The following LDHA variants were observed in gnomAD, a reference collection of about 807,000 sequenced individuals.
LDHA encodes the protein lactate dehydrogenase A.
A neutral mutation model predicts 36.3 loss-of-function variants in LDHA; 10 were observed. That is an observed-to-expected ratio of 0.28 (90% CI 0.17 to 0.47). LDHA has a LOEUF of 0.47. LDHA is among the 20% of genes least tolerant of loss of function. The pLI is 0.99. For synonymous variants in LDHA, 110 were observed against 136.7 expected, an observed-to-expected ratio of 0.80 and a Z score of 1.36; for missense variants, 267 against 405.8, an observed-to-expected ratio of 0.66 and a Z score of 2.94.
chr11:18,407,780 T>C lies in LDHA; in HGVS notation c.*499T>C. On this transcript the variant is annotated 3_prime_UTR_variant, in exon 8 of 8. Transcript: ENST00000422447. ...ACCATATAATGTAAAAAGATCTACA[T>C]ACAAACAATGCAACCAACTATCCAA... is the stretch of plus-strand genomic sequence containing the variant. 2.2e-6 allele frequency: 1 copy of C among 456,756 alleles called. No homozygotes were observed. The highest frequency in any genetic ancestry group is 1.6e-5 in the South Asian group (1 of 64,476). 28.3% of individuals were successfully genotyped at this position (456,756 alleles called of 1,614,324 possible).
At chr11:18,399,907 G>C (rs1033257509) in intron 3 of LDHA, 8 of 214,590 alleles carry the variant, frequency 3.7e-5, no homozygotes, top group Non-Finnish European at 7.7e-5. Flanking sequence ...AGACTTAAAT[G>C]TTTTATCAGG....
Position 18,407,882 on chromosome 11 carries a change from G to A in LDHA, c.*601G>A, listed in dbSNP as rs759661874. 1 of 454,070 alleles carries A rather than the reference G, an allele frequency of 2.2e-6. No individual in the cohort carries two copies. Among genetic ancestry groups the A allele is most frequent in the Non-Finnish European group, 4.4e-6 (1 of 226,818 alleles). The allele number at this position is 454,070 out of a possible 1,614,324, so 28.1% of individuals were successfully genotyped here. A position where few individuals can be genotyped will look rare whatever the true frequency, so the allele number is the denominator to read the frequency against. Reference sequence around the variant, plus strand: ...TTAATTCATTATATTAAGATATAAAGTCATAAAGCTGCTAGTTATTATATT... The same window carrying A: ...TTAATTCATTATATTAAGATATAAAATCATAAAGCTGCTAGTTATTATATT... On this transcript the variant is annotated 3_prime_UTR_variant, in exon 8 of 8. Transcript: ENST00000422447.
At chr11:18,399,114 A>G in intron 2 of LDHA, 1 of 349,878 alleles carries the variant, frequency 2.9e-6, no homozygotes, top group Non-Finnish European at 5.5e-6. Context: ...GAGAGTAGAC[A>G]GAGCAGTTTT....
At chr11:18,401,955 C>CTCTTTT (rs59534512) in intron 4 of LDHA, among the ~76,000 whole-genome samples, 2 of 52,258 alleles carry the variant, frequency 3.8e-5, no homozygotes, top group Non-Finnish European at 7.5e-5. Context: ...TTGTTATTCT[C>CTCTTTT]TTTTTTTTTT....
chr11:18,404,371 T>C (rs992560870), intron 6 of LDHA, among the ~76,000 whole-genome samples: 5 of 151,932 alleles, frequency 3.3e-5, no homozygotes, highest in Admixed American at 3.3e-4. Context: ...ATCCTGCCAC[T>C]GCACTCCAGA....
At chr11:18,397,993 CT>C (rs1289603914) in intron 2 of LDHA, among the ~76,000 whole-genome samples, 2 of 152,108 alleles carry the variant, frequency 1.3e-5, no homozygotes, top group African/African-American at 4.8e-5. Flanking sequence ...AATACACCAA[CT>C]TTTATTCCTT....
At chr11:18,406,299 C>T (rs1866680177) in intron 7 of LDHA, among the ~76,000 whole-genome samples, 1 of 150,954 alleles carries the variant, frequency 6.6e-6, no homozygotes, top group South Asian at 2.1e-4. Flanking sequence ...AATTAGGCCA[C>T]ACACAGTGAC....
At chr11:18,399,230 A>T (rs1179888580) in intron 2 of LDHA, 1 of 542,612 alleles carries the variant, frequency 1.8e-6, no homozygotes, top group African/African-American at 1.9e-5. Context: ...ACAGGGCTGG[A>T]GAGAGGGTCA....
chr11:18,394,759 T>C, intron 1 of LDHA, 123 bp downstream of exon 1: 1 of 432,418 alleles, frequency 2.3e-6, no homozygotes, highest in Non-Finnish European at 4.7e-6. Flanking sequence ...TAGGAGCCGC[T>C]TTCCAGAAGC....
intron 4 of LDHA, among the ~76,000 whole-genome samples, chr11:18,401,479 T>TTTTTC (rs1866496939): frequency 1.1e-5 from 1 of 89,616 alleles, no homozygotes; most frequent in Non-Finnish European, 2.2e-5. Context: ...TTTTCTTTTT[T>TTTTTC]TTTTTTTTTT....
At chr11:18,400,528 C>G (rs1479149468) in intron 3 of LDHA, 1 of 393,752 alleles carries the variant, frequency 2.5e-6, no homozygotes, top group African/African-American at 2.1e-5. Flanking sequence ...TAAGTAGAAA[C>G]AGGAGTATGG....
rs116841148 is a variant in LDHA at position 18,402,860 on chromosome 11, G to T, written c.439G>T (p.Ala147Ser). Residue 147 changes from alanine to serine, a missense_variant, in exon 5 of 8, where the codon GCT becomes TCT. Coordinates refer to ENST00000422447, the MANE Select transcript of LDHA (RefSeq NM_005566.4). ...CATAGTGGATATCTTGACCTACGTG[G>T]CTTGGAAGATAAGTGGTTTTCCCAA... is the stretch of plus-strand genomic sequence containing the variant. ...SNPVDILTYV[A>S]WKISGFPKNR... is the part of the protein sequence containing the mutation. 1.9e-3 allele frequency: 2,997 copies of T among 1,612,432 alleles called. 6 individuals are homozygous for T. The highest frequency in any genetic ancestry group is 2.3e-3 in the Non-Finnish European group (2,706 of 1,178,644).
chr11:18,394,766 A>C lies in LDHA; in HGVS notation c.-25+130A>C, dbSNP rs12278153. 10,938 of 428,438 alleles carry C rather than the reference A, an allele frequency of 0.026. 929 individuals are homozygous for C. Among genetic ancestry groups the C allele is most frequent in the African/African-American group, 0.19 (9,347 of 49,524 alleles). 26.5% of individuals were successfully genotyped at this position (428,438 alleles called of 1,614,324 possible). ...GGGAGGTGTAGGAGCCGCTTTCCAG[A>C]AGCACAGCCCAGAGACGTCTGGGCG... On this transcript the variant is annotated intron_variant, in intron 1 of 7. Transcript: ENST00000422447.
At chr11:18,396,418 A>G (rs1866304270) in intron 1 of LDHA, 2 of 423,398 alleles carry the variant, frequency 4.7e-6, no homozygotes, top group African/African-American at 4.1e-5. Flanking sequence ...GTGGCAGTTA[A>G]TGGCTTTTCT....
chr11:18,399,196 T>C lies in LDHA; in HGVS notation c.127-235T>C, dbSNP rs371068167. The C allele has an allele frequency of 7.3e-5, 36 of 494,950 alleles. 1 individual carries two copies. The East Asian group carries it at 1.4e-3, about 19-fold the overall frequency. The allele number at this position is 494,950 out of a possible 1,614,324, so 30.7% of individuals were successfully genotyped here. On this transcript the variant is annotated intron_variant, in intron 2 of 7. Transcript: ENST00000422447. Reference sequence around the variant, plus strand: ...TCCACATCTGCAGTGGTGGAACTCCTATAGAGCTCGCTTCAGTGGGGAGAC... The same window carrying C: ...TCCACATCTGCAGTGGTGGAACTCCCATAGAGCTCGCTTCAGTGGGGAGAC...
intron 1 of LDHA, among the ~76,000 whole-genome samples, chr11:18,396,028 T>G (rs1305667773): frequency 6.6e-6 from 1 of 152,264 alleles, no homozygotes; most frequent in Non-Finnish European, 1.5e-5. Flanking sequence ...GTTGCTGGCG[T>G]CTGCTTCGGG....
rs544177684 is a variant in LDHA at position 18,402,575 on chromosome 11, G to A, written c.419-265G>A. 1.7e-3 allele frequency: 658 copies of A among 393,092 alleles called. 7 individuals carry two copies. Among genetic ancestry groups the A allele is most frequent in the South Asian group, 9.8e-3 (440 of 45,064 alleles). 24.4% of individuals were successfully genotyped at this position (393,092 alleles called of 1,614,324 possible). On this transcript the variant is annotated intron_variant, in intron 4 of 7. Coordinates refer to ENST00000422447, the MANE Select transcript of LDHA (RefSeq NM_005566.4). ...AGCCTCCCAAAGTGTTGGGATAACA[G>A]GTGTGAGTTGTCATGCCCAGCCAAA...
At chr11:18,398,850 G>A (rs1451044099) in intron 2 of LDHA, 2 of 160,344 alleles carry the variant, frequency 1.2e-5, no homozygotes, top group Non-Finnish European at 2.8e-5. Flanking sequence ...TCCTGACCTC[G>A]TGATCCGCCT....
chr11:18,400,396 T>C lies in LDHA; in HGVS notation c.245-441T>C. On this transcript the variant is annotated intron_variant, in intron 3 of 7. Coordinates refer to ENST00000422447, the MANE Select transcript of LDHA (RefSeq NM_005566.4). ...TATGTTTGTTAAGTGTAAAGCTGTC[T>C]CTGCTTAAAAACAAGTCCCCCTACC... 1.0e-5 allele frequency: 3 copies of C among 294,630 alleles called. 1 individual carries two copies. The highest frequency in any genetic ancestry group is 9.3e-5 in the South Asian group (3 of 32,136). The allele number at this position is 294,630 out of a possible 1,614,324, so 18.3% of individuals were successfully genotyped here. A position where few individuals can be genotyped will look rare whatever the true frequency, so the allele number is the denominator to read the frequency against.
Sources: allele counts gnomAD v4.1 joint callset (sites outside exome capture counted in the v4.1 genomes callset), GRCh38; gene constraint gnomAD v4.1.1; transcripts MANE v1.5; gene names NCBI Gene and HGNC (gene_info 2026-07-23, HGNC 2026-07-21).